THSD7A: variants seen among roughly 807,000 people sequenced by gnomAD.
THSD7A encodes the protein thrombospondin type-1 domain-containing protein 7A.
THSD7A carries 96 observed loss-of-function variants against 231.3 expected under a neutral mutation model. That is an observed-to-expected ratio of 0.41 (90% confidence interval 0.35 to 0.49). The LOEUF (loss-of-function observed/expected upper bound fraction) is 0.49. THSD7A is among the 20% of genes least tolerant of loss of function. The pLI, the probability that THSD7A is intolerant of heterozygous loss-of-function variation, is 0.05. For synonymous variants in THSD7A, 940 were observed against 743.3 expected (o/e 1.26, Z -4.30); for missense variants, 2,290 against 2,070.2 (o/e 1.11, Z -2.06).
intron 1 of THSD7A, among the ~76,000 whole-genome samples, chr7:11,726,416 T>C (rs965830253): frequency 1.3e-5 from 2 of 151,980 alleles, no homozygotes; most frequent in African/African-American, 4.8e-5. Flanking sequence ...TAATGAAAGG[T>C]TCATTAGTCA....
chr7:11,824,526 T>G (rs1310697490), intron 1 of THSD7A, among the ~76,000 whole-genome samples: 1 of 152,120 alleles, frequency 6.6e-6, no homozygotes, highest in African/African-American at 2.4e-5. Context: ...TCAGCTATGA[T>G]TGAGGGCTGC....
chr7:11,466,321 AATG>A (rs1206968928), intron 9 of THSD7A, among the ~76,000 whole-genome samples: 1 of 152,184 alleles, frequency 6.6e-6, no homozygotes. Context: ...GTAATTTCAA[AATG>A]ATACTTGGGT....
At chr7:11,388,025 C>A (rs758327256) in intron 23 of THSD7A, among the ~76,000 whole-genome samples, 18 of 152,134 alleles carry the variant, frequency 1.2e-4, no homozygotes, top group Non-Finnish European at 2.4e-4. Flanking sequence ...GTATGTTGAA[C>A]CAGCCTTGCA....
chr7:11,475,055 A>T (rs951946828), intron 7 of THSD7A, among the ~76,000 whole-genome samples: 1 of 152,178 alleles, frequency 6.6e-6, no homozygotes, highest in African/African-American at 2.4e-5. Flanking sequence ...AAAGGCATGC[A>T]GGCAGGTGTG....
intron 1 of THSD7A, among the ~76,000 whole-genome samples, chr7:11,652,782 A>G (rs1255083637): frequency 6.6e-6 from 1 of 151,956 alleles, no homozygotes; most frequent in Non-Finnish European, 1.5e-5. Flanking sequence ...TTTATGGTTT[A>G]GGGTAATAAT....
chr7:11,715,005 T>C (rs12540945), intron 1 of THSD7A, among the ~76,000 whole-genome samples: 20,798 of 151,366 alleles, frequency 0.14, 1,590 homozygotes, highest in Admixed American at 0.19. Flanking sequence ...GTGGCTTCCA[T>C]GGTTCTCTCC....
chr7:11,732,617 A>G (rs1277005959), intron 1 of THSD7A, among the ~76,000 whole-genome samples: 2 of 151,828 alleles, frequency 1.3e-5, no homozygotes, highest in African/African-American at 4.8e-5. Flanking sequence ...AGAGTTTTCA[A>G]TTATTTATAA....
At chr7:11,767,917 T>G (rs1783082861) in intron 1 of THSD7A, among the ~76,000 whole-genome samples, 2 of 152,128 alleles carry the variant, frequency 1.3e-5, no homozygotes, top group Admixed American at 1.3e-4. Context: ...AGAGATGACT[T>G]TAAGACATCA....
At chr7:11,761,383 A>G (rs1583267411) in intron 1 of THSD7A, among the ~76,000 whole-genome samples, 1 of 152,132 alleles carries the variant, frequency 6.6e-6, no homozygotes, top group Admixed American at 6.6e-5. Flanking sequence ...TGCAAATAGA[A>G]TCACTTATAC....
At chr7:11,823,511 T>C (rs749559040) in intron 1 of THSD7A, among the ~76,000 whole-genome samples, 9 of 152,126 alleles carry the variant, frequency 5.9e-5, no homozygotes, top group Non-Finnish European at 1.2e-4. Flanking sequence ...GGTATTTTGA[T>C]AGAGATTGCA....
intron 23 of THSD7A, among the ~76,000 whole-genome samples, chr7:11,387,204 T>C (rs1413358715): frequency 6.6e-6 from 1 of 152,120 alleles, no homozygotes; most frequent in Non-Finnish European, 1.5e-5. Context: ...GCTCTTTTTT[T>C]GTTCCAGATG....
chr7:11,428,180 A>T (rs1384617777), intron 14 of THSD7A, among the ~76,000 whole-genome samples: 1 of 152,212 alleles, frequency 6.6e-6, no homozygotes, highest in Non-Finnish European at 1.5e-5. Flanking sequence ...TTGTGATTTA[A>T]ATTCAAATAC....
chr7:11,560,808 A>G (rs939102247), intron 4 of THSD7A, among the ~76,000 whole-genome samples: 1 of 152,190 alleles, frequency 6.6e-6, no homozygotes, highest in African/African-American at 2.4e-5. Context: ...TTTGTGGCTG[A>G]AAAGCATTGA....
chr7:11,575,762 G>C (rs7798207), intron 4 of THSD7A, among the ~76,000 whole-genome samples: 127,341 of 152,204 alleles, frequency 0.84, 53,901 homozygotes, highest in African/African-American at 0.96. Flanking sequence ...CATATCAACC[G>C]CCACTTATTA....
rs563363680 is a variant in THSD7A at position 11,602,534 on chromosome 7, T to C, written c.1023-9032A>G. On this transcript the variant is annotated intron_variant, in intron 2 of 27. Transcript: ENST00000423059. ...AAATTACGTATTAGAATTTGTCATG[T>C]TGAGATGAAGGTAATTAATGGAAAT... 5.1e-4 allele frequency among the ~76,000 whole-genome samples: 78 copies of C among 152,186 alleles called. 2 individuals carry two copies. In the South Asian group the frequency reaches 5.6e-3, roughly 11 times the overall value.
intron 23 of THSD7A, among the ~76,000 whole-genome samples, chr7:11,395,170 A>G (rs1328943027): frequency 1.3e-5 from 2 of 151,864 alleles, no homozygotes; most frequent in East Asian, 1.9e-4. Context: ...AGGGGTTACA[A>G]TCCTAGTCTC....
intron 2 of THSD7A, among the ~76,000 whole-genome samples, chr7:11,595,347 G>C (rs973478110): frequency 6.6e-6 from 1 of 152,150 alleles, no homozygotes; most frequent in African/African-American, 2.4e-5. Context: ...TGGATATTAA[G>C]AGTGTGGGGT....
intron 1 of THSD7A, among the ~76,000 whole-genome samples, chr7:11,688,829 C>T (rs1217968881): frequency 1.3e-5 from 2 of 151,702 alleles, no homozygotes; most frequent in African/African-American, 4.8e-5. Context: ...ACTCATCTTG[C>T]ATTATCTCAG....
chr7:11,451,397 TCTTA>T (rs570740895), intron 11 of THSD7A, among the ~76,000 whole-genome samples: 24 of 151,992 alleles, frequency 1.6e-4, no homozygotes, highest in Non-Finnish European at 3.2e-4. Context: ...ATGATATATA[TCTTA>T]CTTGGAAGTT....
Sources: gnomAD v4.1 joint callset for allele counts (sites outside exome capture counted in the v4.1 genomes callset) on GRCh38, gnomAD v4.1.1 for gene constraint, MANE v1.5 for transcripts, NCBI Gene and HGNC (gene_info 2026-07-23, HGNC 2026-07-21) for gene names.